Variants in ZNF804A observed in about 807,000 individuals in gnomAD.
ZNF804A encodes the protein zinc finger protein 804A.
ZNF804A carries 2 observed loss-of-function variants against 16.5 expected under a neutral mutation model. That is an observed-to-expected ratio of 0.12 (90% CI 0.05 to 0.38). The LOEUF is 0.38. Ranked by LOEUF, ZNF804A falls within the 10% of genes least tolerant of loss-of-function variation. The probability of loss-of-function intolerance (pLI) is 0.99; values close to 1 mark genes in which losing one functional copy is unlikely to be tolerated. For missense variants in ZNF804A, 1,473 were observed against 1,390.7 expected (o/e 1.06, Z -0.94); for synonymous variants, 534 against 489.6 (o/e 1.09, Z -1.20).
chr2:184,746,453 A>C (rs1397551717), intron 1 of ZNF804A, among the ~76,000 whole-genome samples: 1 of 151,568 alleles, frequency 6.6e-6, no homozygotes, highest in Non-Finnish European at 1.5e-5. Flanking sequence ...TATAAGGTAC[A>C]TGAGATATTT....
At chr2:184,820,451 G>A (rs1695059154) in intron 1 of ZNF804A, among the ~76,000 whole-genome samples, 1 of 152,006 alleles carries the variant, frequency 6.6e-6, no homozygotes, top group African/African-American at 2.4e-5. Context: ...CAAACTTACA[G>A]CCAATATCAT....
intron 1 of ZNF804A, among the ~76,000 whole-genome samples, chr2:184,811,051 T>C (rs1001335535): frequency 2.0e-5 from 3 of 152,304 alleles, no homozygotes; most frequent in Non-Finnish European, 4.4e-5. Flanking sequence ...GATGTACAGA[T>C]GCATTTCTAA....
chr2:184,914,727 T>C (rs1685418739), intron 2 of ZNF804A, among the ~76,000 whole-genome samples: 1 of 151,992 alleles, frequency 6.6e-6, no homozygotes, highest in South Asian at 2.1e-4. Context: ...TTGAAAAAGA[T>C]AAAAAGAATA....
At chr2:184,707,890 T>C (rs1039444521) in intron 1 of ZNF804A, among the ~76,000 whole-genome samples, 1 of 152,174 alleles carries the variant, frequency 6.6e-6, no homozygotes, top group Non-Finnish European at 1.5e-5. Flanking sequence ...GCTGAACTAA[T>C]TTAAATTCCT....
chr2:184,822,315 A>G (rs1033827229), intron 1 of ZNF804A, among the ~76,000 whole-genome samples: 1 of 152,146 alleles, frequency 6.6e-6, no homozygotes, highest in African/African-American at 2.4e-5. Flanking sequence ...AGGAACAGAA[A>G]ACCAAACACC....
intron 1 of ZNF804A, among the ~76,000 whole-genome samples, chr2:184,716,223 A>G (rs1370763386): frequency 6.6e-6 from 1 of 152,026 alleles, no homozygotes; most frequent in Non-Finnish European, 1.5e-5. Context: ...ATACCTTGCC[A>G]TTTTCATGAT....
At chr2:184,637,185 C>A (rs1691713404) in intron 1 of ZNF804A, among the ~76,000 whole-genome samples, 1 of 151,982 alleles carries the variant, frequency 6.6e-6, no homozygotes, top group Non-Finnish European at 1.5e-5. Context: ...ATTTAAAAGA[C>A]AAATTTTTAT....
chr2:184,679,793 G>A (rs1403873282), intron 1 of ZNF804A, among the ~76,000 whole-genome samples: 1 of 152,144 alleles, frequency 6.6e-6, no homozygotes, highest in African/African-American at 2.4e-5. Flanking sequence ...CATGGGCTGG[G>A]AGGCTCCCCT....
chr2:184,825,866 TTTTA>T (rs1695157342), intron 1 of ZNF804A, among the ~76,000 whole-genome samples: 2 of 151,918 alleles, frequency 1.3e-5, no homozygotes, highest in Admixed American at 1.3e-4. Flanking sequence ...TTTAATTTAA[TTTTA>T]TTTATTTATT....
chr2:184,723,110 C>T lies in ZNF804A; in HGVS notation c.111+124040C>T, dbSNP rs529813661. Among the ~76,000 whole-genome samples, 16 of 151,840 alleles carry T rather than the reference C, an allele frequency of 1.1e-4. No homozygotes were observed. In the East Asian group the frequency reaches 2.9e-3, roughly 28 times the overall value. On this transcript the variant is annotated intron_variant, in intron 1 of 3. Coordinates refer to ENST00000302277, the MANE Select transcript of ZNF804A (RefSeq NM_194250.2). ...GATAATCTGTTAAATAACCCTGTAC[C>T]ATGTTAAAAATTACCACAGAAGGTA...
chr2:184,778,745 A>G (rs1236267239), intron 1 of ZNF804A, among the ~76,000 whole-genome samples: 1 of 151,640 alleles, frequency 6.6e-6, no homozygotes, highest in African/African-American at 2.4e-5. Context: ...GGTACCTTTA[A>G]TGATCCAGGG....
intron 1 of ZNF804A, among the ~76,000 whole-genome samples, chr2:184,770,661 A>G (rs1406316413): frequency 6.6e-6 from 1 of 152,076 alleles, no homozygotes; most frequent in Non-Finnish European, 1.5e-5. Flanking sequence ...AATTATAAAC[A>G]AGTAAGATGA....
At chr2:184,730,530 C>G (rs754278666) in intron 1 of ZNF804A, among the ~76,000 whole-genome samples, 42 of 152,202 alleles carry the variant, frequency 2.8e-4, no homozygotes, top group Admixed American at 9.2e-4. Flanking sequence ...GTGCTGTATT[C>G]AACCTTCCCT....
At chr2:184,604,101 C>T (rs1691094506) in intron 1 of ZNF804A, among the ~76,000 whole-genome samples, 1 of 136,452 alleles carries the variant, frequency 7.3e-6, no homozygotes, top group South Asian at 2.3e-4. Context: ...GTCTTGACTT[C>T]TCACTTCTGC....
At chr2:184,716,746 G>A (rs1186659265) in intron 1 of ZNF804A, among the ~76,000 whole-genome samples, 2 of 152,088 alleles carry the variant, frequency 1.3e-5, no homozygotes, top group African/African-American at 4.8e-5. Flanking sequence ...AATTCTAGCA[G>A]CAGGTTTAAG....
At chr2:184,923,343 T>C (rs948445670) in intron 2 of ZNF804A, among the ~76,000 whole-genome samples, 7 of 152,006 alleles carry the variant, frequency 4.6e-5, no homozygotes, top group Admixed American at 2.0e-4. Flanking sequence ...TTTCTTTTTC[T>C]GAATTTTAAT....
At chr2:184,804,610 T>A (rs1388827909) in intron 1 of ZNF804A, among the ~76,000 whole-genome samples, 1 of 152,132 alleles carries the variant, frequency 6.6e-6, no homozygotes, top group African/African-American at 2.4e-5. Context: ...AGAAACTAGA[T>A]AATGCAGAGA....
chr2:184,611,857 C>T (rs1225537106), intron 1 of ZNF804A, among the ~76,000 whole-genome samples: 1 of 152,160 alleles, frequency 6.6e-6, no homozygotes, highest in Non-Finnish European at 1.5e-5. Flanking sequence ...TTGCATACTT[C>T]ACCTAGTAAT....
At chr2:184,612,454 G>C (rs1035370271) in intron 1 of ZNF804A, among the ~76,000 whole-genome samples, 2 of 150,518 alleles carry the variant, frequency 1.3e-5, no homozygotes, top group African/African-American at 4.9e-5. Flanking sequence ...TTTTTTGGGG[G>C]GGGGACGGAG....
Sources: allele counts gnomAD v4.1 joint callset (sites outside exome capture counted in the v4.1 genomes callset), GRCh38; gene constraint gnomAD v4.1.1; transcripts MANE v1.5; gene names NCBI Gene and HGNC (gene_info 2026-07-23, HGNC 2026-07-21).